MGAT5: variants seen among roughly 807,000 people sequenced by gnomAD.
The protein encoded by MGAT5 is alpha-1,6-mannosylglycoprotein 6-beta-N-acetylglucosaminyltransferase A.
In MGAT5, 30 loss-of-function variants were observed where a neutral mutation model predicts 94.3. The ratio of observed to expected loss-of-function variants is 0.32; its 90% CI spans 0.24 to 0.43. The LOEUF is 0.43. Among genes scored for constraint, MGAT5 ranks in the 20% least tolerant of loss-of-function variants. MGAT5 has a pLI of 1.00. For synonymous variants in MGAT5, 310 were observed against 322.9 expected (o/e 0.96, Z 0.43); for missense variants, 691 against 905.5 (o/e 0.76, Z 3.04).
intron 10 of MGAT5, among the ~76,000 whole-genome samples, chr2:134,364,477 GC>G (rs1429518465): frequency 6.6e-6 from 1 of 151,104 alleles, no homozygotes; most frequent in Admixed American, 6.6e-5. Context: ...TCCAGCCTGG[GC>G]AACAAGAGTG....
At chr2:134,263,474 T>C (rs1362981935) in intron 1 of MGAT5, among the ~76,000 whole-genome samples, 10 of 152,258 alleles carry the variant, frequency 6.6e-5, no homozygotes, top group Non-Finnish European at 1.3e-4. Context: ...GGCTAGTCAG[T>C]GTTGCTGAGC....
intron 10 of MGAT5, among the ~76,000 whole-genome samples, chr2:134,399,554 G>C (rs991882554): frequency 1.3e-5 from 2 of 152,202 alleles, no homozygotes; most frequent in African/African-American, 4.8e-5. Flanking sequence ...AAAGCATTAG[G>C]GGGGTTGCTG....
intron 15 of MGAT5, 36 bp from the exon 16 acceptor site, chr2:134,448,613 C>T: frequency 1.2e-6 from 2 of 1,602,320 alleles, no homozygotes; most frequent in Non-Finnish European, 1.7e-6. Flanking sequence ...TCTGTCCCTT[C>T]ATCACCAACA....
chr2:134,277,783 T>C (rs2105694409), intron 2 of MGAT5, among the ~76,000 whole-genome samples: 1 of 152,370 alleles, frequency 6.6e-6, no homozygotes, highest in South Asian at 2.1e-4. Flanking sequence ...ATATCACCAC[T>C]AATAGTGAAA....
intron 1 of MGAT5, among the ~76,000 whole-genome samples, chr2:134,183,170 C>G (rs1688833937): frequency 6.6e-6 from 1 of 152,192 alleles, no homozygotes; most frequent in African/African-American, 2.4e-5. Flanking sequence ...GGCAATTAAA[C>G]AAACTGGGCA....
At chr2:134,288,780 G>A (rs1023394290) in intron 2 of MGAT5, among the ~76,000 whole-genome samples, 1 of 152,006 alleles carries the variant, frequency 6.6e-6, no homozygotes, top group African/African-American at 2.4e-5. Flanking sequence ...CAGAAATATT[G>A]CTGTTGTAGC....
chr2:134,155,964 G>A (rs377508670), intron 1 of MGAT5, among the ~76,000 whole-genome samples: 23 of 152,208 alleles, frequency 1.5e-4, no homozygotes, highest in Middle Eastern at 3.4e-3. Flanking sequence ...TCTCCCCGCC[G>A]TTCTTTTCTT....
chr2:134,276,995 G>T (rs1489126374), intron 2 of MGAT5, among the ~76,000 whole-genome samples: 1 of 152,148 alleles, frequency 6.6e-6, no homozygotes, highest in African/African-American at 2.4e-5. Context: ...AAACAACCCA[G>T]CAGAGAGACA....
intron 1 of MGAT5, among the ~76,000 whole-genome samples, chr2:134,238,632 A>G (rs1315008782): frequency 2.6e-5 from 4 of 152,226 alleles, no homozygotes; most frequent in Non-Finnish European, 4.4e-5. Context: ...GAGATATATA[A>G]GGCTGTTGCC....
At chr2:134,237,121 A>ATATGTGTATG (rs1553499196) in intron 1 of MGAT5, among the ~76,000 whole-genome samples, 1 of 122,706 alleles carries the variant, frequency 8.1e-6, no homozygotes, top group African/African-American at 2.9e-5. Flanking sequence ...TAGAAGGAGT[A>ATATGTGTATG]TATGTGTGTG....
At chr2:134,145,224 G>C (rs1485383870) in intron 1 of MGAT5, among the ~76,000 whole-genome samples, 1 of 151,812 alleles carries the variant, frequency 6.6e-6, no homozygotes, top group African/African-American at 2.4e-5. Context: ...CTGTGTGTGT[G>C]TGTGTGTGTG....
intron 1 of MGAT5, among the ~76,000 whole-genome samples, chr2:134,194,582 A>T (rs1355539286): frequency 6.6e-6 from 1 of 151,848 alleles, no homozygotes; most frequent in Non-Finnish European, 1.5e-5. Context: ...TTTTGCTCAC[A>T]CTCTAGGAAA....
chr2:134,294,669 C>G (rs1488397203), intron 2 of MGAT5, among the ~76,000 whole-genome samples: 1 of 152,186 alleles, frequency 6.6e-6, no homozygotes, highest in Non-Finnish European at 1.5e-5. Flanking sequence ...TCTTAAATAT[C>G]TGCTAGCCGT....
intron 15 of MGAT5, among the ~76,000 whole-genome samples, chr2:134,446,420 G>T (rs1685777142): frequency 6.6e-6 from 1 of 152,010 alleles, no homozygotes; most frequent in Non-Finnish European, 1.5e-5. Flanking sequence ...AGCCACAGCA[G>T]CTGCTGTAAT....
chr2:134,167,766 G>C (rs1289535104), intron 1 of MGAT5, among the ~76,000 whole-genome samples: 1 of 152,192 alleles, frequency 6.6e-6, no homozygotes, highest in African/African-American at 2.4e-5. Flanking sequence ...ACCTACATAA[G>C]TGGTCTCCCA....
At chr2:134,130,585 G>A (rs937453008) in intron 1 of MGAT5, among the ~76,000 whole-genome samples, 1 of 152,010 alleles carries the variant, frequency 6.6e-6, no homozygotes, top group Admixed American at 6.6e-5. Context: ...TCAGCACTTT[G>A]TATCTAGCTG....
chr2:134,317,685 A>T, intron 3 of MGAT5, 80 bp downstream of exon 3: 1 of 945,900 alleles, frequency 1.1e-6, no homozygotes, highest in Non-Finnish European at 1.5e-6. Context: ...CTCCTCAGTG[A>T]CACAAATGGG....
At chr2:134,408,344 A>T (rs1345643392) in intron 11 of MGAT5, among the ~76,000 whole-genome samples, 1 of 152,224 alleles carries the variant, frequency 6.6e-6, no homozygotes, top group Non-Finnish European at 1.5e-5. Flanking sequence ...TAAATTTACA[A>T]TGTGAATTGT....
At chr2:134,296,653 A>G (rs899959345) in intron 2 of MGAT5, among the ~76,000 whole-genome samples, 3 of 152,174 alleles carry the variant, frequency 2.0e-5, no homozygotes, top group Admixed American at 2.0e-4. Flanking sequence ...GTTTCTGCAG[A>G]CATTGTAATC....
Sources: gnomAD v4.1 joint callset for allele counts (sites outside exome capture counted in the v4.1 genomes callset) on GRCh38, gnomAD v4.1.1 for gene constraint, MANE v1.5 for transcripts, NCBI Gene and HGNC (gene_info 2026-07-23, HGNC 2026-07-21) for gene names.